Variants in CALCR observed in about 807,000 individuals in gnomAD.
CALCR encodes calcitonin receptor.
Under a neutral mutation model 59.5 loss-of-function variants are expected in CALCR, and 47 were observed. The observed-to-expected ratio is 0.79, with a 90% CI of 0.63 to 1.01. The LOEUF is 1.01. Among genes scored for constraint, CALCR ranks in the 50% least tolerant of loss-of-function variants. The pLI is 0.00. For missense variants in CALCR, 566 were observed against 597.1 expected (o/e 0.95, Z 0.54); for synonymous variants, 213 against 211.3 (o/e 1.01, Z -0.07).
chr7:93,543,648 T>C (rs1789204403), intron 2 of CALCR, among the ~76,000 whole-genome samples: 1 of 135,098 alleles, frequency 7.4e-6, no homozygotes, highest in African/African-American at 2.5e-5. Flanking sequence ...GTATGGCCCA[T>C]GATTATATAT....
At chr7:93,523,993 T>C (rs1037121216) in intron 2 of CALCR, among the ~76,000 whole-genome samples, 1 of 151,952 alleles carries the variant, frequency 6.6e-6, no homozygotes, top group African/African-American at 2.4e-5. Context: ...ACTCTAAGAC[T>C]CTGACTATAA....
rs1176152410 is a variant in CALCR, at chr7:93,425,500, G to A, written c.*856C>T. ...TTTGCTTTATAAATCCTGGAGTTTAGGGGAGTGGCAAACTCTCTTTAAAGG... is the reference window on the plus strand; with the variant it reads ...TTTGCTTTATAAATCCTGGAGTTTAAGGGAGTGGCAAACTCTCTTTAAAGG... On this transcript the variant is annotated 3_prime_UTR_variant, in exon 14 of 14. Transcript: ENST00000426151. The A allele has an allele frequency of 6.6e-6, 1 of 150,540 alleles. No individual in the cohort carries two copies. The highest frequency in any genetic ancestry group is 2.2e-4 in the East Asian group (1 of 4,510). The allele number at this position is 150,540 out of a possible 1,614,324, so 9.3% of individuals were successfully genotyped here.
chr7:93,458,750 C>T (rs149158266), intron 8 of CALCR, among the ~76,000 whole-genome samples: 24 of 152,244 alleles, frequency 1.6e-4, no homozygotes, highest in African/African-American at 5.3e-4. Context: ...CCTTTCCCTC[C>T]ACTTGTCCAT....
chr7:93,479,577 G>T (rs1584569266), intron 3 of CALCR, 70 bp from the exon 4 acceptor site: 14 of 1,370,902 alleles, frequency 1.0e-5, no homozygotes, highest in Non-Finnish European at 1.4e-5. Context: ...ATGAGACAAT[G>T]AAAAAGTTTG....
At position 93,445,671 on chromosome 7, in the gene CALCR, T is replaced by C. The variant is rs547588539; in HGVS notation, c.649-1914A>G. Among the ~76,000 whole-genome samples the C allele has an allele frequency of 2.2e-4, 33 of 152,218 alleles. No individual in the cohort carries two copies. The South Asian group carries it at 6.8e-3, about 32-fold the overall frequency. On this transcript the variant is annotated intron_variant, in intron 8 of 13. Transcript: ENST00000426151. ...GCAATCAATAGCTAACTTTGTTTTA[T>C]GTGTTTTGTTTAAAGACAACTTATT...
chr7:93,567,642 C>T (rs1789895673), intron 2 of CALCR, among the ~76,000 whole-genome samples: 1 of 151,934 alleles, frequency 6.6e-6, no homozygotes, highest in Admixed American at 6.6e-5. Context: ...TGTTGGTTTG[C>T]TGCACTCATC....
At chr7:93,557,479 A>G (rs1789637723) in intron 2 of CALCR, among the ~76,000 whole-genome samples, 1 of 151,812 alleles carries the variant, frequency 6.6e-6, no homozygotes, top group South Asian at 2.1e-4. Flanking sequence ...AATGAATATT[A>G]TTTGTTCTAT....
At chr7:93,480,820 G>T (rs183626721) in intron 3 of CALCR, among the ~76,000 whole-genome samples, 1 of 151,792 alleles carries the variant, frequency 6.6e-6, no homozygotes, top group African/African-American at 2.4e-5. Flanking sequence ...AGGCACAAGG[G>T]GGGGTCGAGA....
At chr7:93,550,310 T>A (rs1188556582) in intron 2 of CALCR, among the ~76,000 whole-genome samples, 1 of 151,386 alleles carries the variant, frequency 6.6e-6, no homozygotes, top group Admixed American at 6.6e-5. Context: ...GCCAACATGG[T>A]GAAATCCCGT....
chr7:93,517,257 G>T (rs1801668478), intron 2 of CALCR, among the ~76,000 whole-genome samples: 2 of 133,722 alleles, frequency 1.5e-5, no homozygotes, highest in African/African-American at 6.9e-5. Context: ...TGAAGTAGTG[G>T]AAAGATCTTT....
At chr7:93,516,392 A>G (rs1412303440) in intron 2 of CALCR, among the ~76,000 whole-genome samples, 1 of 151,964 alleles carries the variant, frequency 6.6e-6, no homozygotes, top group Non-Finnish European at 1.5e-5. Flanking sequence ...AAATAATCAT[A>G]TGTGGATAAA....
At chr7:93,556,665 CTA>C (rs1006813624) in intron 2 of CALCR, among the ~76,000 whole-genome samples, 1 of 150,842 alleles carries the variant, frequency 6.6e-6, no homozygotes, top group Admixed American at 6.6e-5. Flanking sequence ...TCTTTTTTAT[CTA>C]TATATATATA....
intron 3 of CALCR, among the ~76,000 whole-genome samples, chr7:93,482,127 AT>A (rs59640199): frequency 6.6e-6 from 1 of 151,864 alleles, no homozygotes; most frequent in Non-Finnish European, 1.5e-5. Flanking sequence ...GATTTGCAAA[AT>A]TTTTAAAAAA....
intron 2 of CALCR, among the ~76,000 whole-genome samples, chr7:93,525,824 TG>T (rs1801866451): frequency 6.6e-6 from 1 of 152,212 alleles, no homozygotes. Flanking sequence ...AGATTTGTTT[TG>T]TATTAAGTTA....
intron 2 of CALCR, among the ~76,000 whole-genome samples, chr7:93,569,831 T>C (rs997776242): frequency 6.6e-6 from 1 of 151,790 alleles, no homozygotes; most frequent in Non-Finnish European, 1.5e-5. Context: ...AATGTTGAAT[T>C]CTGAACCACC....
At chr7:93,524,698 A>G (rs956056905) in intron 2 of CALCR, among the ~76,000 whole-genome samples, 17 of 152,150 alleles carry the variant, frequency 1.1e-4, no homozygotes, top group Admixed American at 5.2e-4. Flanking sequence ...TCACAGATGA[A>G]AATAATGTAC....
intron 2 of CALCR, among the ~76,000 whole-genome samples, chr7:93,502,299 CTTGA>C (rs1801334684): frequency 6.6e-6 from 1 of 152,070 alleles, no homozygotes. Context: ...AGTTAAGTAA[CTTGA>C]TTAAGATCTC....
At chr7:93,529,420 G>A (rs1788773199) in intron 2 of CALCR, among the ~76,000 whole-genome samples, 1 of 152,242 alleles carries the variant, frequency 6.6e-6, no homozygotes, top group South Asian at 2.1e-4. Context: ...GCAGAACCAT[G>A]AGTTAATTAA....
chr7:93,548,328 G>C (rs1359783556), intron 2 of CALCR, among the ~76,000 whole-genome samples: 1 of 152,144 alleles, frequency 6.6e-6, no homozygotes, highest in Non-Finnish European at 1.5e-5. Flanking sequence ...CTAATGACCA[G>C]TTAACAAAGC....
Sources: gnomAD v4.1 joint callset for allele counts (sites outside exome capture counted in the v4.1 genomes callset) on GRCh38, gnomAD v4.1.1 for gene constraint, MANE v1.5 for transcripts, NCBI Gene and HGNC (gene_info 2026-07-23, HGNC 2026-07-21) for gene names.